Variants in PNPLA5 observed in about 807,000 individuals in gnomAD.
PNPLA5 encodes the protein patatin-like phospholipase domain-containing protein 5.
A neutral mutation model predicts 49.1 loss-of-function variants in PNPLA5; 44 were observed. That is an observed-to-expected ratio of 0.90 (90% CI 0.70 to 1.15). PNPLA5 has a LOEUF of 1.15. Among genes scored for constraint, PNPLA5 ranks in the 50% most tolerant of loss-of-function variants. The probability of loss-of-function intolerance (pLI) is 0.00; values close to 1 mark genes in which losing one functional copy is unlikely to be tolerated. For missense variants in PNPLA5, 603 were observed against 564.0 expected, an observed-to-expected ratio of 1.07 and a Z score of -0.70; for synonymous variants, 243 against 244.4, an observed-to-expected ratio of 0.99 and a Z score of 0.06.
At chr22:43,887,451 A>AG (rs1752891574) in intron 5 of PNPLA5, 140 bp downstream of exon 5, 3 of 1,006,264 alleles carry the variant, frequency 3.0e-6, no homozygotes, top group Non-Finnish European at 4.4e-6. Flanking sequence ...CCCAGTACTC[A>AG]GCTCAGGTCC....
In PNPLA5 at chr22:43,887,643, G is replaced by A. The variant is rs771139823; in HGVS notation, c.711C>T (p.Ala237=). 21 of 1,603,996 alleles carry A rather than the reference G, an allele frequency of 1.3e-5. No homozygotes were observed. Among genetic ancestry groups the A allele is most frequent in the African/African-American group, 9.4e-5 (7 of 74,780 alleles). The change falls in exon 5 of 9, where the codon GCC becomes GCT. Residue 237 remains alanine (A), a synonymous_variant. Transcript: ENST00000216177. ...CLIPPSLEVV[A]DNCRQGYLDA... ...CCAGGTAGCCTTGTCTGCAGTTGTC[G>A]GCCACTACCTGCCAACACACAGGGC...
At chr22:43,881,786 G>A in intron 7 of PNPLA5, 112 bp from the exon 8 acceptor site, 2 of 1,475,328 alleles carry the variant, frequency 1.4e-6, no homozygotes, top group Non-Finnish European at 1.8e-6. Flanking sequence ...CCTGAGGGCT[G>A]CCCAGGTTAG....
chr22:43,886,717 A>C, intron 5 of PNPLA5: 2 of 606,584 alleles, frequency 3.3e-6, no homozygotes, highest in Non-Finnish European at 4.1e-6. Flanking sequence ...CAAAGACACA[A>C]TCCAGAGTTC....
chr22:43,887,563 C>T, intron 5 of PNPLA5, 28 bp downstream of exon 5: 2 of 1,605,388 alleles, frequency 1.2e-6, no homozygotes, highest in Non-Finnish European at 1.7e-6. Flanking sequence ...GGGACATGAT[C>T]CCCAGCCACT....
intron 5 of PNPLA5, 84 bp downstream of exon 5, chr22:43,887,507 C>G: frequency 6.7e-7 from 1 of 1,496,712 alleles, no homozygotes; most frequent in South Asian, 1.2e-5. Flanking sequence ...GCCCATGTCC[C>G]TAGCAGCTCA....
Position 43,881,527 on chromosome 22 carries a change from C to T in PNPLA5, c.1199+31G>A, listed in dbSNP as rs375181878. 4.1e-5 allele frequency: 63 copies of T among 1,546,300 alleles called. No homozygotes were observed. In the African/African-American group the frequency reaches 6.7e-4, roughly 16 times the overall value. On this transcript the variant is annotated intron_variant, in intron 8 of 8. Coordinates refer to ENST00000216177, the MANE Select transcript of PNPLA5 (RefSeq NM_138814.4). The stretch of plus-strand genomic sequence containing the variant: ...TGCGTTCCCCCCAGCACAGCCACCC[C>T]CTCTCCATCCCTGCCCTCTGCCCAC...
chr22:43,889,277 G>C, intron 4 of PNPLA5, 52 bp downstream of exon 4: 2 of 1,595,170 alleles, frequency 1.3e-6, no homozygotes, highest in Non-Finnish European at 8.5e-7. Flanking sequence ...TCTGACTCAC[G>C]GGGCCCTTGA....
chr22:43,882,380 C>T (rs867359392), intron 7 of PNPLA5, among the ~76,000 whole-genome samples: 5 of 152,168 alleles, frequency 3.3e-5, no homozygotes, highest in Non-Finnish European at 7.3e-5. Flanking sequence ...AAGCCCTGGC[C>T]GGACACCTCA....
intron 4 of PNPLA5, among the ~76,000 whole-genome samples, chr22:43,888,371 AGTGTGTGTGTGTGT>A (rs35343347): frequency 2.4e-4 from 27 of 112,986 alleles, no homozygotes; most frequent in South Asian, 6.0e-4. Flanking sequence ...GGGGCAGAGG[AGTGTGTGTGTGTGT>A]GTGTGTGTGT....
intron 2 of PNPLA5, 52 bp from the exon 3 acceptor site, chr22:43,889,916 AG>A (rs764288868): frequency 3.1e-6 from 5 of 1,598,936 alleles, no homozygotes; most frequent in Non-Finnish European, 3.4e-6. Context: ...TCTTGCATTC[AG>A]AACCTTCCTA....
In PNPLA5 at chr22:43,889,385, T is replaced by C. The variant is rs1430178515; in HGVS notation, c.646A>G (p.Ile216Val). 1 of 1,613,496 alleles carries C rather than the reference T, an allele frequency of 6.2e-7. No homozygotes were observed. The highest frequency in any genetic ancestry group is 8.5e-7 in the Non-Finnish European group (1 of 1,179,896). ...ELNVFNFSFQISTENFFLGLI... is the reference protein window; with the variant it reads ...ELNVFNFSFQVSTENFFLGLI... Reference sequence around the variant, plus strand: ...CCCAGGAAGAAGTTCTCAGTGGAGATTTGGAAGCTGAAGTTGAAGACGTTC... The same window carrying C: ...CCCAGGAAGAAGTTCTCAGTGGAGACTTGGAAGCTGAAGTTGAAGACGTTC... The change falls in exon 4 of 9, where the codon ATC becomes GTC. Residue 216 changes from isoleucine (I) to valine (V), a missense_variant. By Grantham distance (29) the Ile-to-Val change is conservative. Coordinates refer to ENST00000216177, the MANE Select transcript of PNPLA5 (RefSeq NM_138814.4).
Position 43,886,285 on chromosome 22 carries a change from T to A in PNPLA5, c.949+18A>T. The A allele has an allele frequency of 1.2e-6, 2 of 1,602,322 alleles. No homozygotes were observed. Among genetic ancestry groups the A allele is most frequent in the Non-Finnish European group, 1.7e-6 (2 of 1,173,356 alleles). On this transcript the variant is annotated intron_variant, in intron 6 of 8. Transcript: ENST00000216177. ...TGCAGGGCCCTGGTAGGTGAGCAAATGCAGGTAGAGTCCCTACCAGCCTCC... is the reference window on the plus strand; with the variant it reads ...TGCAGGGCCCTGGTAGGTGAGCAAAAGCAGGTAGAGTCCCTACCAGCCTCC...
chr22:43,891,962 G>A lies in PNPLA5; in HGVS notation c.-82C>T. 1 of 1,369,264 alleles carries A rather than the reference G, an allele frequency of 7.3e-7. No homozygotes were observed. The highest frequency in any genetic ancestry group is 9.7e-7 in the Non-Finnish European group (1 of 1,029,688). 84.8% of individuals were successfully genotyped at this position (1,369,264 alleles called of 1,614,324 possible). A position where few individuals can be genotyped will look rare whatever the true frequency, so the allele number is the denominator to read the frequency against. ...ATAGGGCCGGGATGCAGCCTTGGAC[G>A]GGGCTGGGCCCAAATGTGGGCTCTG... On this transcript the variant is annotated 5_prime_UTR_variant, in exon 1 of 9. Coordinates refer to ENST00000216177, the MANE Select transcript of PNPLA5 (RefSeq NM_138814.4).
At position 43,880,886 on chromosome 22, in the gene PNPLA5, CTGTGGAGGGA is replaced by C. The variant is rs551318655; in HGVS notation, c.1200-11_1200-2del. ...TTCCAGGACGCGAGTGGCCGGAGGG[CTGTGGAGGGA>C]GGAGAAGCCACGGGTAAATGCCTGG... On this transcript the variant is annotated splice_acceptor_variant and splice_polypyrimidine_tract_variant and intron_variant, in intron 8 of 8. Transcript: ENST00000216177. 77 of 1,326,090 alleles carry C rather than the reference CTGTGGAGGGA, an allele frequency of 5.8e-5. 3 individuals carry two copies. The South Asian group carries it at 2.0e-3, about 35-fold the overall frequency. 82.1% of individuals were successfully genotyped at this position (1,326,090 alleles called of 1,614,324 possible).
chr22:43,881,901 G>T (rs2049614499), intron 7 of PNPLA5: 1 of 349,018 alleles, frequency 2.9e-6, no homozygotes, highest in Non-Finnish European at 4.0e-6. Flanking sequence ...CTTGGCAGAG[G>T]TGGCCAGGCC....
At chr22:43,886,211 C>T in intron 6 of PNPLA5, 92 bp downstream of exon 6, 1 of 1,425,460 alleles carries the variant, frequency 7.0e-7, no homozygotes, top group Non-Finnish European at 9.4e-7. Context: ...TGTCCTCTTC[C>T]AGACCACGAG....
chr22:43,886,528 G>C (rs749385779), intron 5 of PNPLA5, 40 bp from the exon 6 acceptor site: 146 of 1,576,616 alleles, frequency 9.3e-5, no homozygotes, highest in Non-Finnish European at 1.2e-4. Context: ...AAGCATCTGA[G>C]CCTCCCCAAG....
chr22:43,885,162 C>T (rs1160929851), intron 6 of PNPLA5, among the ~76,000 whole-genome samples: 1 of 152,238 alleles, frequency 6.6e-6, no homozygotes, highest in East Asian at 1.9e-4. Flanking sequence ...CCACCCGAGG[C>T]AGCTCTCTGG....
At chr22:43,886,890 C>T (rs560229249) in intron 5 of PNPLA5, among the ~76,000 whole-genome samples, 18 of 152,302 alleles carry the variant, frequency 1.2e-4, no homozygotes, top group South Asian at 8.3e-4. Context: ...ACATATTAAG[C>T]GCTCGCCAAA....
Sources: gnomAD v4.1 joint callset for allele counts (sites outside exome capture counted in the v4.1 genomes callset) on GRCh38, gnomAD v4.1.1 for gene constraint, MANE v1.5 for transcripts, NCBI Gene and HGNC (gene_info 2026-07-23, HGNC 2026-07-21) for gene names.